The following CCDC93 variants were observed in gnomAD, a reference collection of about 807,000 sequenced individuals.
CCDC93 encodes the protein CCC complex scaffolding subunit CCDC93.
A neutral mutation model predicts 108.2 loss-of-function variants in CCDC93; 61 were observed. That is an observed-to-expected ratio of 0.56 (90% CI 0.46 to 0.70). CCDC93 has a LOEUF of 0.70. CCDC93 is among the 30% of genes least tolerant of loss of function. The pLI is 0.00. For synonymous variants in CCDC93, 276 were observed against 260.4 expected, an observed-to-expected ratio of 1.06 and a Z score of -0.58; for missense variants, 685 against 764.2, an observed-to-expected ratio of 0.90 and a Z score of 1.22.
intron 23 of CCDC93, among the ~76,000 whole-genome samples, chr2:117,922,723 G>A (rs1187122514): frequency 6.6e-6 from 1 of 152,146 alleles, no homozygotes; most frequent in African/African-American, 2.4e-5. Context: ...AGAAGTAGAG[G>A]GCCAGTGAGG....
chr2:117,995,248 G>A (rs745438474), intron 6 of CCDC93, 198 bp downstream of exon 6: 3 of 582,286 alleles, frequency 5.2e-6, no homozygotes, highest in Non-Finnish European at 6.1e-6. Context: ...CAGTAGTGTG[G>A]CAGGTTCTCC....
At chr2:117,966,365 T>C (rs1427265570) in intron 11 of CCDC93, among the ~76,000 whole-genome samples, 1 of 152,194 alleles carries the variant, frequency 6.6e-6, no homozygotes, top group African/African-American at 2.4e-5. Context: ...TCCAAGGTGA[T>C]GAAGCCAAGA....
At chr2:117,972,604 T>G (rs2104778498) in intron 11 of CCDC93, among the ~76,000 whole-genome samples, 1 of 136,486 alleles carries the variant, frequency 7.3e-6, no homozygotes, top group African/African-American at 3.0e-5. Context: ...TCTATCCAGT[T>G]GTCATTTTTT....
At position 117,949,382 on chromosome 2, in the gene CCDC93, C is replaced by T. The variant is rs1175732311; in HGVS notation, c.1082G>A (p.Ser361Asn). The T allele has an allele frequency of 1.9e-6, 3 of 1,613,280 alleles. No individual in the cohort carries two copies. Among genetic ancestry groups the T allele is most frequent in the Non-Finnish European group, 2.5e-6 (3 of 1,179,216 alleles). ...KKTLTELKTY[S>N]EKLDKEQAAL... ...TGCTTGCTCTTTGTCCAGTTTCTCA[C>T]TGTAAGTCTTCAGCTGCAAGAGAGA... The change falls in exon 14 of 24, where the codon AGT becomes AAT. Residue 361 changes from serine (S) to asparagine (N), a missense_variant. Ser to Asn is a conservative substitution (Grantham distance 46). Transcript: ENST00000376300.
At chr2:117,945,611 T>C (rs1356586745) in intron 16 of CCDC93, 29 bp from the exon 17 acceptor site, 5 of 1,598,976 alleles carry the variant, frequency 3.1e-6, no homozygotes, top group African/African-American at 2.7e-5. Flanking sequence ...AATAAACACC[T>C]CTCCTGAGCA....
chr2:117,950,869 C>T, intron 13 of CCDC93: 2 of 985,344 alleles, frequency 2.0e-6, no homozygotes, highest in Non-Finnish European at 2.4e-6. Context: ...ATCCTGACAC[C>T]CGGCTGCATG....
chr2:118,007,354 C>T (rs1168127987), intron 2 of CCDC93, among the ~76,000 whole-genome samples: 1 of 152,212 alleles, frequency 6.6e-6, no homozygotes, highest in Non-Finnish European at 1.5e-5. Context: ...AAATCCTTTT[C>T]AGACACAGCT....
chr2:117,973,522 A>T (rs1320726891), intron 11 of CCDC93, among the ~76,000 whole-genome samples: 1 of 151,784 alleles, frequency 6.6e-6, no homozygotes, highest in Non-Finnish European at 1.5e-5. Flanking sequence ...TGGCTGAGTT[A>T]TGGGGTTTAT....
At chr2:117,946,170 G>C (rs1478291304) in intron 16 of CCDC93, among the ~76,000 whole-genome samples, 1 of 152,142 alleles carries the variant, frequency 6.6e-6, no homozygotes, top group African/African-American at 2.4e-5. Context: ...GTCCAGTGCA[G>C]AGTTCTGGGC....
intron 12 of CCDC93, 141 bp downstream of exon 12, chr2:117,958,224 T>C: frequency 3.2e-6 from 2 of 617,230 alleles, no homozygotes; most frequent in Non-Finnish European, 5.8e-6. Context: ...ATGTGTTATG[T>C]TGTAATAAAA....
rs992839810 is a variant in CCDC93, at chr2:117,916,559, C to T, written c.*3784G>A. The T allele has an allele frequency of 6.6e-6, 1 of 152,146 alleles. No homozygotes were observed. The highest frequency in any genetic ancestry group is 1.5e-5 in the Non-Finnish European group (1 of 68,034). 9.4% of individuals were successfully genotyped at this position (152,146 alleles called of 1,614,324 possible). On this transcript the variant is annotated 3_prime_UTR_variant, in exon 24 of 24. Transcript: ENST00000376300. ...ATGTGGAAAAGCCATTTTATCCAACCGGAATTTCCCAGTCAGTCATCTACC... is the reference window on the plus strand; with the variant it reads ...ATGTGGAAAAGCCATTTTATCCAACTGGAATTTCCCAGTCAGTCATCTACC...
chr2:117,925,210 C>T (rs1678034908), intron 23 of CCDC93, among the ~76,000 whole-genome samples: 1 of 152,202 alleles, frequency 6.6e-6, no homozygotes, highest in African/African-American at 2.4e-5. Context: ...GAAACTGCAT[C>T]AACTAATGAG....
chr2:117,936,153 G>A (rs1173365800), intron 21 of CCDC93, among the ~76,000 whole-genome samples: 1 of 151,792 alleles, frequency 6.6e-6, no homozygotes, highest in Non-Finnish European at 1.5e-5. Context: ...GCCTGCCAGA[G>A]GACAGCAGAG....
chr2:117,962,023 TGACA>T (rs1679412820), intron 11 of CCDC93, among the ~76,000 whole-genome samples: 1 of 152,244 alleles, frequency 6.6e-6, no homozygotes, highest in African/African-American at 2.4e-5. Context: ...TTCTAATAAC[TGACA>T]GATATTCACA....
At chr2:117,933,329 CTTTGA>C (rs923651041) in intron 22 of CCDC93, among the ~76,000 whole-genome samples, 4 of 109,168 alleles carry the variant, frequency 3.7e-5, no homozygotes, top group African/African-American at 1.2e-4. Context: ...GGAGTTGACT[CTTTGA>C]TTTAAGCTTC....
At chr2:117,956,239 A>G (rs370700947) in intron 12 of CCDC93, among the ~76,000 whole-genome samples, 2 of 152,150 alleles carry the variant, frequency 1.3e-5, no homozygotes, top group African/African-American at 4.8e-5. Context: ...TGCTATGTTA[A>G]GCAGTATGCT....
intron 21 of CCDC93, chr2:117,935,781 TG>T (rs1425550631): frequency 1.4e-4 from 58 of 422,508 alleles, no homozygotes; most frequent in Non-Finnish European, 2.4e-4. Flanking sequence ...GAAATTAGCC[TG>T]GTCTTATAAT....
chr2:118,013,877 C>CGCTCAGCCCGCCGCCCCGCG, intron 1 of CCDC93, 77 bp downstream of exon 1: 1 of 1,354,128 alleles, frequency 7.4e-7, no homozygotes, highest in South Asian at 1.4e-5. Context: ...ACCCAGGGCC[C>CGCTCAGCCCGCCGCCCCGCG]GCTCAGCCCG....
chr2:117,927,436 G>A (rs966628352), intron 23 of CCDC93, among the ~76,000 whole-genome samples: 1 of 152,094 alleles, frequency 6.6e-6, no homozygotes, highest in Admixed American at 6.6e-5. Context: ...TACAAAATCA[G>A]TGTGCAAAAA....
Sources: allele counts gnomAD v4.1 joint callset (sites outside exome capture counted in the v4.1 genomes callset), GRCh38; gene constraint gnomAD v4.1.1; transcripts MANE v1.5; gene names NCBI Gene and HGNC (gene_info 2026-07-23, HGNC 2026-07-21).